The following NBAS variants were observed in gnomAD, a reference collection of about 807,000 sequenced individuals.
The protein encoded by NBAS is NAG/BC035112 fusion.
In NBAS, 219 loss-of-function variants were observed where a neutral mutation model predicts 302.5. The ratio of observed to expected loss-of-function variants is 0.72; its 90% CI spans 0.65 to 0.81. The LOEUF is 0.81. Ranked by LOEUF, NBAS falls within the 30% of genes least tolerant of loss-of-function variation. The probability of loss-of-function intolerance (pLI) is 0.00; values close to 1 mark genes in which losing one functional copy is unlikely to be tolerated. For missense variants in NBAS, 2,932 were observed against 2,841.6 expected, an observed-to-expected ratio of 1.03 and a Z score of -0.72; for synonymous variants, 1,118 against 1,021.6, an observed-to-expected ratio of 1.09 and a Z score of -1.80.
At chr2:14,782,205 T>TA in the NBAS span, among the ~76,000 whole-genome samples, 1 of 152,154 alleles carries the variant, frequency 6.6e-6, no homozygotes, top group African/African-American at 2.4e-5. Context: ...ATTTCTCTTA[T>TA]AAAACATGCA....
the NBAS span, among the ~76,000 whole-genome samples, chr2:14,976,271 G>A: frequency 1.3e-5 from 2 of 152,316 alleles, no homozygotes; most frequent in African/African-American, 2.4e-5. Flanking sequence ...ACTGAGATAA[G>A]TGTTTATTGC....
chr2:15,352,283 GA>G (rs961746296), intron 34 of NBAS, among the ~76,000 whole-genome samples: 2 of 152,058 alleles, frequency 1.3e-5, no homozygotes, highest in African/African-American at 4.8e-5. Flanking sequence ...GATCAAGTGT[GA>G]AAAAAATGAT....
intron 38 of NBAS, 88 bp from the exon 39 acceptor site, chr2:15,309,335 T>G: frequency 2.7e-6 from 3 of 1,130,156 alleles, no homozygotes; most frequent in Non-Finnish European, 3.9e-6. Context: ...CCCATAAGAT[T>G]TCAACAAATA....
At chr2:15,313,489 G>A (rs1333348889) in intron 38 of NBAS, among the ~76,000 whole-genome samples, 2 of 152,114 alleles carry the variant, frequency 1.3e-5, no homozygotes, top group African/African-American at 4.8e-5. Context: ...AAATAAAATC[G>A]ATGTCTTTCT....
At chr2:15,216,548 T>G (rs1666661320) in intron 48 of NBAS, among the ~76,000 whole-genome samples, 1 of 152,238 alleles carries the variant, frequency 6.6e-6, no homozygotes, top group South Asian at 2.1e-4. Flanking sequence ...CCTTAAGTTC[T>G]GCTTTTGGAA....
chr2:14,845,467 A>C, the NBAS span, among the ~76,000 whole-genome samples: 25 of 152,220 alleles, frequency 1.6e-4, no homozygotes, highest in Non-Finnish European at 1.5e-5. Context: ...TAAAGACTGC[A>C]CTAAATCCTA....
At chr2:15,010,961 T>G in the NBAS span, among the ~76,000 whole-genome samples, 1 of 152,352 alleles carries the variant, frequency 6.6e-6, no homozygotes, top group Non-Finnish European at 1.5e-5. Flanking sequence ...AGCTTTTTTC[T>G]TGGAACTTTC....
Position 15,373,732 on chromosome 2 carries a change from T to G in NBAS, c.3703+876A>C, listed in dbSNP as rs115072565. Reference sequence around the variant, plus strand: ...CCTCTACTGGCTCATATCTCTAAAATCCATCCAGCTCTAAACACTACACAG... The same window carrying G: ...CCTCTACTGGCTCATATCTCTAAAAGCCATCCAGCTCTAAACACTACACAG... On this transcript the variant is annotated intron_variant, in intron 31 of 51. Transcript: ENST00000281513. Among the ~76,000 whole-genome samples, 910 of 152,242 alleles carry G rather than the reference T, an allele frequency of 6.0e-3. 10 individuals carry two copies. The highest frequency in any genetic ancestry group is 0.02 in the African/African-American group (827 of 41,524).
the NBAS span, among the ~76,000 whole-genome samples, chr2:15,136,171 T>C: frequency 3.3e-5 from 5 of 152,230 alleles, no homozygotes; most frequent in African/African-American, 4.8e-5. Context: ...CTTGTCTCTC[T>C]ATATAGCCTA....
Position 15,538,351 on chromosome 2 carries a change from T to C in NBAS, c.513+872A>G, listed in dbSNP as rs780979515. 1.4e-5 allele frequency: 7 copies of C among 485,004 alleles called. No individual in the cohort carries two copies. In the Admixed American group the frequency reaches 1.5e-4, roughly 10 times the overall value. The allele number at this position is 485,004 out of a possible 1,614,324, so 30.0% of individuals were successfully genotyped here. A position where few individuals can be genotyped will look rare whatever the true frequency, so the allele number is the denominator to read the frequency against. ...CCCAGAATATGAGCACAACACACGT[T>C]TTTAGTTTCTCCACTCATTATTTCT... On this transcript the variant is annotated intron_variant, in intron 7 of 51. Transcript: ENST00000281513.
At chr2:15,164,585 GA>G (rs1252522776), downstream of NBAS, among the ~76,000 whole-genome samples, 4 of 151,848 alleles carry the variant, frequency 2.6e-5, no homozygotes, top group East Asian at 5.8e-4. Context: ...CAAAGCTATA[GA>G]ATCTGAGTGT....
At chr2:14,809,769 G>A in the NBAS span, among the ~76,000 whole-genome samples, 1 of 152,256 alleles carries the variant, frequency 6.6e-6, no homozygotes, top group South Asian at 2.1e-4. Flanking sequence ...TTACACCATG[G>A]ACCTGGAAAA....
At chr2:15,151,423 G>A in the NBAS span, among the ~76,000 whole-genome samples, 1 of 152,186 alleles carries the variant, frequency 6.6e-6, no homozygotes, top group African/African-American at 2.4e-5. Flanking sequence ...CAATGTAAAT[G>A]AATTTATGAT....
At chr2:15,407,062 A>C (rs1676449302) in intron 25 of NBAS, among the ~76,000 whole-genome samples, 1 of 152,186 alleles carries the variant, frequency 6.6e-6, no homozygotes, top group Non-Finnish European at 1.5e-5. Context: ...TAATATAAAA[A>C]TACATGTGGA....
At chr2:15,296,010 A>G (rs1260022097) in intron 40 of NBAS, among the ~76,000 whole-genome samples, 1 of 152,220 alleles carries the variant, frequency 6.6e-6, no homozygotes, top group Non-Finnish European at 1.5e-5. Flanking sequence ...GCTTACTCTA[A>G]AAGAATTAAA....
At chr2:15,491,185 C>G (rs748322063) in intron 11 of NBAS, among the ~76,000 whole-genome samples, 14 of 152,212 alleles carry the variant, frequency 9.2e-5, no homozygotes, top group Non-Finnish European at 1.3e-4. Context: ...TCCTCCCACC[C>G]TTCCTCCATG....
At chr2:15,075,133 A>G in the NBAS span, among the ~76,000 whole-genome samples, 7 of 152,354 alleles carry the variant, frequency 4.6e-5, no homozygotes, top group African/African-American at 1.4e-4. Context: ...CTTTTTGGTA[A>G]TAGCAAAAAC....
At chr2:15,249,912 G>A (rs1195741290) in intron 44 of NBAS, among the ~76,000 whole-genome samples, 4 of 152,004 alleles carry the variant, frequency 2.6e-5, no homozygotes, top group Non-Finnish European at 5.9e-5. Context: ...TTTCAATGCT[G>A]TCACCATCAA....
rs1572435419 is a variant in NBAS, at chr2:15,199,610, T to A, written c.6433-9207A>T. ...ATCTCACTACAGGAATTATAAATGA[T>A]AATAGGTAAATTTGATTAATACATG... On this transcript the variant is annotated intron_variant, in intron 48 of 51. Transcript: ENST00000281513. 2.6e-5 allele frequency among the ~76,000 whole-genome samples: 4 copies of A among 152,284 alleles called. 1 individual carries two copies. The highest frequency in any genetic ancestry group is 2.6e-4 in the Admixed American group (4 of 15,298).
Sources: gnomAD v4.1 joint callset for allele counts (sites outside exome capture counted in the v4.1 genomes callset) on GRCh38, gnomAD v4.1.1 for gene constraint, MANE v1.5 for transcripts, NCBI Gene and HGNC (gene_info 2026-07-23, HGNC 2026-07-21) for gene names.